The following PHF8 variants were observed in gnomAD, a reference collection of about 807,000 sequenced individuals.
PHF8 encodes the protein histone lysine demethylase PHF8.
In PHF8, 9 loss-of-function variants were observed where a neutral mutation model predicts 74.4. The ratio of observed to expected loss-of-function variants is 0.12; its 90% CI spans 0.07 to 0.21. PHF8 has a LOEUF of 0.21. Among genes scored for constraint, PHF8 ranks in the 10% least tolerant of loss-of-function variants. PHF8 has a pLI of 1.00. For missense variants in PHF8, 478 were observed against 816.6 expected (o/e 0.59, Z 5.05); for synonymous variants, 311 against 316.6 (o/e 0.98, Z 0.19).
chrX:54,017,953 A>G, intron 4 of PHF8, 132 bp from the exon 5 acceptor site: 1 of 544,619 alleles, frequency 1.8e-6, no homozygotes, highest in Non-Finnish European at 3.1e-6. Context: ...AATGCCAAAA[A>G]CCTCATCTGC....
chrX:53,979,898 A>G (rs935563789), intron 18 of PHF8, among the ~76,000 whole-genome samples: 4 of 111,521 alleles, frequency 3.6e-5, no homozygotes, highest in Non-Finnish European at 7.5e-5. Context: ...CTGAGGTAGA[A>G]GGATCACTTG....
rs1157894308 is a variant in PHF8 at position 53,937,137 on chromosome X, G to C, written c.*2021C>G. 1 of 110,321 alleles carries C rather than the reference G, an allele frequency of 9.1e-6. No individual in the cohort carries two copies. Among genetic ancestry groups the C allele is most frequent in the Non-Finnish European group, 1.9e-5 (1 of 52,790 alleles). 9.1% of individuals were successfully genotyped at this position (110,321 alleles called of 1,213,427 possible). On this transcript the variant is annotated 3_prime_UTR_variant, in exon 22 of 22. Transcript: ENST00000338154. ...AGCCTCTTTGGAAAAGCATAACTCT[G>C]AGGGTAAACTTGCTTTTCATTGGAA... is the stretch of plus-strand genomic sequence containing the variant.
rs2064698418 is a variant in PHF8, at chrX:53,938,335, C to T, written c.*823G>A. On this transcript the variant is annotated 3_prime_UTR_variant, in exon 22 of 22. Transcript: ENST00000338154. ...GGCCCAGCCACAGCCACAGCCACAG[C>T]CACGTGGATAATGTTCTACATGATT... 1.0e-6 allele frequency: 1 copy of T among 988,127 alleles called. No homozygotes were observed. The highest frequency in any genetic ancestry group is 4.4e-5 in the Admixed American group (1 of 22,544). 81.4% of individuals were successfully genotyped at this position (988,127 alleles called of 1,213,427 possible).
chrX:54,030,113 C>T (rs1325986510), intron 2 of PHF8, among the ~76,000 whole-genome samples: 1 of 111,351 alleles, frequency 9.0e-6, no homozygotes, highest in Non-Finnish European at 1.9e-5. Flanking sequence ...TCAGCCTTCA[C>T]CACGAGGCCT....
rs781998944 is a variant in PHF8 at position 53,985,942 on chromosome X, T to C, written c.2003A>G (p.Tyr668Cys). The change falls in exon 17 of 22, where the codon TAT becomes TGT. Residue 668 changes from tyrosine to cysteine, a missense_variant. Tyr to Cys is a radical substitution (Grantham distance 194, BLOSUM62 -2). Around this residue, in one of 9 missense-constraint regions of PHF8, gnomAD observed 45 missense variants for 94.4 expected, o/e 0.48. Coordinates refer to ENST00000338154, the MANE Select transcript of PHF8 (RefSeq NM_015107.3). ...TTCCACCATGTCCTCATCTGTTGTA[T>C]AGTCCTCCTGTTGGAGAGAGAGTGT... ...GEVEFDIEEDYTTDEDMVEGV... is the reference protein window; with the variant it reads ...GEVEFDIEEDCTTDEDMVEGV... 1 of 1,210,237 alleles carries C rather than the reference T, an allele frequency of 8.3e-7. No homozygotes were observed. Among genetic ancestry groups the C allele is most frequent in the Admixed American group, 2.2e-5 (1 of 46,014 alleles).
At chrX:53,947,182 T>A (rs1373220593) in intron 19 of PHF8, among the ~76,000 whole-genome samples, 2 of 111,151 alleles carry the variant, frequency 1.8e-5, no homozygotes, top group East Asian at 5.6e-4. Flanking sequence ...CGGCTAATTT[T>A]TGTATTTTTA....
chrX:53,959,745 T>C lies in PHF8; in HGVS notation c.2539+3099A>G, dbSNP rs2065070852. ...TGGGTGCAGTGATGCGCGCCTATAG[T>C]CCCAGCTACTTTGGAGGCTGAGGTA... On this transcript the variant is annotated intron_variant, in intron 19 of 21. Transcript: ENST00000338154. 5.6e-5 allele frequency among the ~76,000 whole-genome samples: 6 copies of C among 106,256 alleles called. No individual in the cohort carries two copies. The South Asian group carries it at 2.6e-3, about 46-fold the overall frequency. The allele number at this position is 106,256 out of a possible 115,157, so 92.3% of individuals were successfully genotyped here.
At chrX:54,015,088 C>T (rs1603337312) in intron 6 of PHF8, among the ~76,000 whole-genome samples, 4 of 111,770 alleles carry the variant, frequency 3.6e-5, no homozygotes, top group Admixed American at 2.9e-4. Context: ...TTCCACCAAC[C>T]GGGAAATGTG....
At position 53,985,932 on chromosome X, in the gene PHF8, A is replaced by G; in HGVS notation, c.2013T>C (p.Asp671=). The G allele has an allele frequency of 8.3e-7, 1 of 1,209,724 alleles. No individual in the cohort carries two copies. The highest frequency in any genetic ancestry group is 1.8e-5 in the South Asian group (1 of 56,891). Residue 671 remains aspartate (D), a synonymous_variant, in exon 17 of 22, where the codon GAT becomes GAC. Transcript: ENST00000338154. ...EFDIEEDYTT[D]EDMVEGVEGK... Reference sequence around the variant, plus strand: ...CTTCAACCCCTTCCACCATGTCCTCATCTGTTGTATAGTCCTCCTGTTGGA... The same window carrying G: ...CTTCAACCCCTTCCACCATGTCCTCGTCTGTTGTATAGTCCTCCTGTTGGA...
chrX:53,999,876 C>A lies in PHF8; in HGVS notation c.1227G>T (p.Arg409Ser). Reference sequence around the variant, plus strand: ...GAGAAATATGCATATTTACTTCTTTCCTTGTCCAGGCTCTAAAGGCCAAGT... The same window carrying A: ...GAGAAATATGCATATTTACTTCTTTACTTGTCCAGGCTCTAAAGGCCAAGT... ...ALNLAFRAWT[R>S]KEALPDHEDE... The change falls in exon 11 of 22, where the codon AGG (arginine) becomes AGT (serine). Residue 409 changes from arginine to serine, a missense_variant. Coordinates refer to ENST00000338154, the MANE Select transcript of PHF8 (RefSeq NM_015107.3). 8.5e-7 allele frequency: 1 copy of A among 1,175,638 alleles called. No individual in the cohort carries two copies. The highest frequency in any genetic ancestry group is 1.2e-6 in the Non-Finnish European group (1 of 863,238).
chrX:53,948,096 A>C (rs192286372), intron 19 of PHF8, among the ~76,000 whole-genome samples: 1 of 111,783 alleles, frequency 8.9e-6, no homozygotes, highest in African/African-American at 3.3e-5. Flanking sequence ...GGTTGTTTTA[A>C]GCTGGGGAAA....
chrX:54,033,423 T>C (rs1407158552), intron 2 of PHF8, among the ~76,000 whole-genome samples: 1 of 112,088 alleles, frequency 8.9e-6, no homozygotes, highest in Non-Finnish European at 1.9e-5. Flanking sequence ...AATGAATAAA[T>C]TGAAAGTGTC....
intron 11 of PHF8, among the ~76,000 whole-genome samples, chrX:53,996,799 G>A (rs1004065001): frequency 9.0e-6 from 1 of 111,246 alleles, no homozygotes; most frequent in East Asian, 2.9e-4. Flanking sequence ...CACCCGCCTC[G>A]GCCTTCCAAA....
At chrX:54,017,877 A>C in intron 4 of PHF8, 56 bp from the exon 5 acceptor site, 1 of 1,108,055 alleles carries the variant, frequency 9.0e-7, no homozygotes, top group South Asian at 1.8e-5. Context: ...TAAAGGCCTT[A>C]TTGGAGGCTG....
chrX:53,943,985 G>C (rs2064793087), intron 20 of PHF8, 149 bp downstream of exon 20: 1 of 483,529 alleles, frequency 2.1e-6, no homozygotes, highest in South Asian at 2.8e-5. Context: ...ATTTAAGAGG[G>C]GGCTGGGATA....
At chrX:54,030,397 T>C (rs1481940844) in intron 2 of PHF8, among the ~76,000 whole-genome samples, 1 of 111,528 alleles carries the variant, frequency 9.0e-6, no homozygotes, top group Non-Finnish European at 1.9e-5. Context: ...ATAATTATTA[T>C]AGCACCAGGT....
rs782815149 is a variant in PHF8, at chrX:53,937,964, A to C, written c.*1194T>G. The stretch of plus-strand genomic sequence containing the variant: ...AAGGACAGGGGAAGGGGAGGATCGG[A>C]TGGATGGTCTGCTCCTTCACGGATG... On this transcript the variant is annotated 3_prime_UTR_variant, in exon 22 of 22. Coordinates refer to ENST00000338154, the MANE Select transcript of PHF8 (RefSeq NM_015107.3). The C allele has an allele frequency of 6.1e-6, 7 of 1,144,546 alleles. No individual in the cohort carries two copies. In the Admixed American group the frequency reaches 1.3e-4, roughly 22 times the overall value. The allele number at this position is 1,144,546 out of a possible 1,213,427, so 94.3% of individuals were successfully genotyped here. A position where few individuals can be genotyped will look rare whatever the true frequency, so the allele number is the denominator to read the frequency against.
chrX:53,987,257 T>A (rs929493303), intron 15 of PHF8, 94 bp from the exon 16 acceptor site: 20 of 561,755 alleles, frequency 3.6e-5, no homozygotes, highest in African/African-American at 3.4e-4. Flanking sequence ...TTCTTGGAAG[T>A]AATGACCACA....
At chrX:54,026,418 A>AAC (rs782025344) in intron 2 of PHF8, among the ~76,000 whole-genome samples, 1 of 108,081 alleles carries the variant, frequency 9.3e-6, no homozygotes, top group African/African-American at 3.4e-5. Context: ...TTCCCCACTC[A>AAC]ACTCTCTCTC....
Sources: allele counts gnomAD v4.1 joint callset (sites outside exome capture counted in the v4.1 genomes callset), GRCh38; gene constraint gnomAD v4.1.1; regional missense constraint gnomAD v4.1.1; transcripts MANE v1.5; gene names NCBI Gene and HGNC (gene_info 2026-07-23, HGNC 2026-07-21).